Variants in MUC5B observed in about 807,000 individuals in gnomAD.
MUC5B encodes the protein mucin-5B.
A neutral mutation model predicts 376.9 loss-of-function variants in MUC5B; 116 were observed. That is an observed-to-expected ratio of 0.31 (90% confidence interval 0.26 to 0.36). The LOEUF (loss-of-function observed/expected upper bound fraction) is 0.36. Ranked by LOEUF, MUC5B falls within the 10% of genes least tolerant of loss-of-function variation. The probability of loss-of-function intolerance (pLI) is 1.00; values close to 1 mark genes in which losing one functional copy is unlikely to be tolerated. For missense variants in MUC5B, 7,165 were observed against 7,769.9 expected (o/e 0.92, Z 2.93); for synonymous variants, 3,517 against 3,390.9 (o/e 1.04, Z -1.29).
chr11:1,250,236 G>A lies in MUC5B; in HGVS notation c.13356G>A (p.Glu4452=). ...CAGGGACCACCTGGATCCTCACAGA[G>A]CCGAGCACTACAGCCACCGTGACGG... ...STPGTTWILT[E]PSTTATVTVP... is the part of the protein sequence containing the mutation. Residue 4452 remains glutamate, a synonymous_variant, in exon 31 of 49, where the codon GAG becomes GAA. Coordinates refer to ENST00000529681, the MANE Select transcript of MUC5B (RefSeq NM_002458.3). 1 of 1,609,082 alleles carries A rather than the reference G, an allele frequency of 6.2e-7. No homozygotes were observed. Among genetic ancestry groups the A allele is most frequent in the Non-Finnish European group, 8.5e-7 (1 of 1,176,784 alleles).
chr11:1,253,773 C>T lies in MUC5B; in HGVS notation c.15218-319C>T, dbSNP rs1009336448. Among the ~76,000 whole-genome samples the T allele has an allele frequency of 4.6e-5, 7 of 152,172 alleles. No individual in the cohort carries two copies. Among genetic ancestry groups the T allele is most frequent in the Non-Finnish European group, 8.8e-5 (6 of 68,030 alleles). ...CTGTGTCTGTGTCTCTTCTGTCTCC[C>T]GTAAGGACACTGGTCATTGGATTGA... On this transcript the variant is annotated intron_variant, in intron 33 of 48. Coordinates refer to ENST00000529681, the MANE Select transcript of MUC5B (RefSeq NM_002458.3). This position sits in a 1 kb window ranked among gnomAD's most constrained non-coding sequence, Gnocchi z 4.3.
intron 25 of MUC5B, 54 bp from the exon 26 acceptor site, chr11:1,238,817 C>G (rs1209581829): frequency 3.9e-6 from 6 of 1,528,874 alleles, no homozygotes; most frequent in South Asian, 2.4e-5. Context: ...CCAGCCACCC[C>G]CTGGCCGGGG....
intron 31 of MUC5B, 142 bp from the exon 32 acceptor site, chr11:1,252,201 C>T (rs1202409371): frequency 1.3e-6 from 1 of 788,232 alleles, no homozygotes; most frequent in Non-Finnish European, 2.0e-6. Flanking sequence ...TCCCCACTGG[C>T]CACACTCAGC....
At position 1,251,637 on chromosome 11, in the gene MUC5B, C is replaced by T. The variant is rs1018306750; in HGVS notation, c.14757C>T (p.Ser4919=). 11 of 1,613,130 alleles carry T rather than the reference C, an allele frequency of 6.8e-6. No homozygotes were observed. Among genetic ancestry groups the T allele is most frequent in the Non-Finnish European group, 8.5e-6 (10 of 1,179,812 alleles). ...GCAGCCTGCCAACCTTCAGCGTGTC[C>T]ACTGTGTCCTCCTCAGTCCTCACCA... The part of the protein sequence containing the change: ...LPSSLPTFSV[S]TVSSSVLTTL... Residue 4919 remains serine, a synonymous_variant, in exon 31 of 49, where the codon TCC becomes TCT. Coordinates refer to ENST00000529681, the MANE Select transcript of MUC5B (RefSeq NM_002458.3).
Position 1,261,402 on chromosome 11 carries a change from G to T in MUC5B, c.17083G>T (p.Ala5695Ser). The T allele has an allele frequency of 6.5e-7, 1 of 1,549,060 alleles. No individual in the cohort carries two copies. The highest frequency in any genetic ancestry group is 1.2e-5 in the South Asian group (1 of 84,154). ...CTGCGTCCACAGGTACTCAGCAGAG[G>T]CCCAGGCCATGCAGCACCAGTGCAC... ...CPGASKYSAE[A>S]QAMQHQCTCC... The change falls in exon 49 of 49, where the codon GCC becomes TCC. Residue 5695 changes from alanine (A) to serine (S), a missense_variant. Transcript: ENST00000529681.
At position 1,260,765 on chromosome 11, in the gene MUC5B, C is replaced by T. The variant is rs370380579; in HGVS notation, c.17069+37C>T. The T allele has an allele frequency of 1.5e-4, 223 of 1,498,350 alleles. 1 individual carries two copies. Among genetic ancestry groups the T allele is most frequent in the Non-Finnish European group, 1.6e-4 (172 of 1,088,494 alleles). The allele number at this position is 1,498,350 out of a possible 1,614,324, so 92.8% of individuals were successfully genotyped here. On this transcript the variant is annotated intron_variant, in intron 48 of 48. Transcript: ENST00000529681. ...CCTGGCCCTGTGCCAAGAGCACCTG[C>T]GTGTGGTGGGTCCGCCCTGGCCCGT...
In MUC5B at chr11:1,256,707, C is replaced by T. The variant is rs1341934193; in HGVS notation, c.16173C>T (p.Gly5391=). 1.9e-6 allele frequency: 3 copies of T among 1,568,174 alleles called. No individual in the cohort carries two copies. The highest frequency in any genetic ancestry group is 2.6e-6 in the Non-Finnish European group (3 of 1,158,508). The change falls in exon 39 of 49, where the codon GGC becomes GGT. Residue 5391 remains glycine, a synonymous_variant. Transcript: ENST00000529681. ...CACAGCTGGAGGGGATGGCGGAGGG[C>T]TGCTTCTGCCCTGAGGACCAGATCC... ...QSPQLEGMAE[G]CFCPEDQILF...
chr11:1,259,659 G>T (rs1347878969), intron 44 of MUC5B, 97 bp from the exon 45 acceptor site: 6 of 1,266,078 alleles, frequency 4.7e-6, no homozygotes, highest in Non-Finnish European at 6.8e-6. Context: ...AGGGCTAAGG[G>T]GTCCTGGACC....
rs1419522698 is a variant in MUC5B, at chr11:1,242,354, C to G, written c.5474C>G (p.Pro1825Arg). The G allele has an allele frequency of 3.1e-6, 5 of 1,613,852 alleles. No homozygotes were observed. Among genetic ancestry groups the G allele is most frequent in the Non-Finnish European group, 4.2e-6 (5 of 1,179,868 alleles). Residue 1825 changes from proline (P) to arginine (R), a missense_variant, in exon 31 of 49, where the codon CCA (proline) becomes CGA (arginine). Physicochemically the swap from Pro to Arg is moderately radical, Grantham distance 103. Around this residue, in one of 31 missense-constraint regions of MUC5B, gnomAD observed 897 missense variants for 779.6 expected, o/e 1.15. Coordinates refer to ENST00000529681, the MANE Select transcript of MUC5B (RefSeq NM_002458.3). Reference protein sequence around the residue: ...RAAGGKMCWAPKSIECRAENY... With the variant: ...RAAGGKMCWARKSIECRAENY... ...GCTGGGGGCAAGATGTGCTGGGCAC[C>G]AAAGAGCATAGAGTGCCGGGCGGAG...
intron 1 of MUC5B, among the ~76,000 whole-genome samples, chr11:1,224,469 G>C (rs1459210305): frequency 6.5e-4 from 97 of 150,024 alleles, no homozygotes; most frequent in Non-Finnish European, 1.1e-3. Flanking sequence ...GGGCTGCCTG[G>C]GGGGGAGGGG....
At position 1,261,915 on chromosome 11, in the gene MUC5B, T is replaced by G; in HGVS notation, c.*307T>G. 1.6e-6 allele frequency: 1 copy of G among 613,468 alleles called. No homozygotes were observed. The highest frequency in any genetic ancestry group is 1.5e-5 in the South Asian group (1 of 65,930). 38.0% of individuals were successfully genotyped at this position (613,468 alleles called of 1,614,324 possible). A position where few individuals can be genotyped will look rare whatever the true frequency, so the allele number is the denominator to read the frequency against. On this transcript the variant is annotated 3_prime_UTR_variant, in exon 49 of 49. Transcript: ENST00000529681. Reference sequence around the variant, plus strand: ...CAAACTAAGCATGTGCGGGCCTATGTGTCCCTGCCACGGCCGGAGCGCCCG... The same window carrying G: ...CAAACTAAGCATGTGCGGGCCTATGGGTCCCTGCCACGGCCGGAGCGCCCG...
rs772742852 is a variant in MUC5B at position 1,259,776 on chromosome 11, G to A, written c.16734G>A (p.Val5578=). 2 of 1,612,454 alleles carry A rather than the reference G, an allele frequency of 1.2e-6. No individual in the cohort carries two copies. The highest frequency in any genetic ancestry group is 1.7e-6 in the Non-Finnish European group (2 of 1,179,674). Residue 5578 remains valine, a synonymous_variant, in exon 45 of 49, where the codon GTG becomes GTA. Transcript: ENST00000529681. ...TCPQGFEYKR[V]AGQCCGECVQ... The stretch of plus-strand genomic sequence containing the variant: ...CACAGGGCTTTGAGTACAAGAGAGT[G>A]GCCGGGCAGTGCTGTGGGGAGTGCG...
At chr11:1,252,557 G>T in intron 32 of MUC5B, 33 bp downstream of exon 32, 1 of 1,494,966 alleles carries the variant, frequency 6.7e-7, no homozygotes, top group African/African-American at 1.4e-5. Flanking sequence ...CTCCCGTGCT[G>T]CGTGCACACG....
rs200788664 is a variant in MUC5B, at chr11:1,230,599, C to T, written c.1469C>T (p.Thr490Met). 35 of 1,605,654 alleles carry T rather than the reference C, an allele frequency of 2.2e-5. No individual in the cohort carries two copies. The South Asian group carries it at 2.2e-4, about 10-fold the overall frequency. The change falls in exon 12 of 49, where the codon ACG becomes ATG. Residue 490 changes from threonine to methionine, a missense_variant and splice_region_variant. Around this residue, in one of 31 missense-constraint regions of MUC5B, gnomAD observed 640 missense variants for 733.0 expected, o/e 0.87. Coordinates refer to ENST00000529681, the MANE Select transcript of MUC5B (RefSeq NM_002458.3). ...AVTLSLDGGD[T>M]AIRVQADGGV... The stretch of plus-strand genomic sequence containing the variant: ...ACGCTCAGCCTGGACGGCGGGGACA[C>T]GGTGAGGACCTGGCTGGGGCCCTGG...
rs201730803 is a variant in MUC5B at position 1,251,432 on chromosome 11, C to T, written c.14552C>T (p.Pro4851Leu). The T allele has an allele frequency of 7.4e-5, 120 of 1,612,114 alleles. No individual in the cohort carries two copies. Among genetic ancestry groups the T allele is most frequent in the African/African-American group, 1.9e-4 (14 of 74,734 alleles). Residue 4851 changes from proline to leucine, a missense_variant, in exon 31 of 49, where the codon CCG becomes CTG. Coordinates refer to ENST00000529681, the MANE Select transcript of MUC5B (RefSeq NM_002458.3). ...TPGTTWILTEPSTIATVMVPT... is the reference protein window; with the variant it reads ...TPGTTWILTELSTIATVMVPT... ...GGGACCACCTGGATCCTCACAGAGC[C>T]GAGCACTATAGCCACCGTGATGGTG...
chr11:1,226,430 T>G, intron 3 of MUC5B, 154 bp downstream of exon 3: 1 of 1,272,698 alleles, frequency 7.9e-7, no homozygotes, highest in Non-Finnish European at 1.1e-6. Flanking sequence ...CTGGCCACCC[T>G]GGGGGATGGG....
Position 1,242,196 on chromosome 11 carries a change from G to A in MUC5B, c.5316G>A (p.Leu1772=), listed in dbSNP as rs772455927. The stretch of plus-strand genomic sequence containing the variant: ...GGACAGAGACGACAATGAGCCCCTT[G>A]ACTAACACCACCACCAGCCAGGGCA... The part of the protein sequence containing the change: ...TPRTETTMSP[L]TNTTTSQGTT... The change falls in exon 31 of 49, where the codon TTG becomes TTA. Residue 1772 remains leucine, a synonymous_variant. Coordinates refer to ENST00000529681, the MANE Select transcript of MUC5B (RefSeq NM_002458.3). The A allele has an allele frequency of 9.3e-6, 15 of 1,613,496 alleles. No individual in the cohort carries two copies. In the South Asian group the frequency reaches 1.6e-4, roughly 18 times the overall value.
At position 1,241,536 on chromosome 11, in the gene MUC5B, G is replaced by T. The variant is rs1862283753; in HGVS notation, c.4656G>T (p.Glu1552Asp). The T allele has an allele frequency of 6.2e-7, 1 of 1,612,940 alleles. No individual in the cohort carries two copies. Among genetic ancestry groups the T allele is most frequent in the African/African-American group, 1.3e-5 (1 of 75,014 alleles). The change falls in exon 31 of 49, where the codon GAG becomes GAT. Residue 1552 changes from glutamate (E) to aspartate (D), a missense_variant. Transcript: ENST00000529681. ...QQPKDIECQA[E>D]SFPNWTLAQV... The stretch of plus-strand genomic sequence containing the variant: ...CTAAGGACATAGAGTGCCAGGCCGA[G>T]AGCTTCCCCAACTGGACCCTGGCAC...
intron 9 of MUC5B, 21 bp downstream of exon 9, chr11:1,229,316 AC>A: frequency 6.5e-7 from 1 of 1,541,500 alleles, no homozygotes; most frequent in South Asian, 1.2e-5. Context: ...TGTGCCCTGA[AC>A]CCCTCAGGGG....
Sources: gnomAD v4.1 joint callset for allele counts (sites outside exome capture counted in the v4.1 genomes callset) on GRCh38, gnomAD v4.1.1 for gene constraint, gnomAD v4.1.1 regional missense constraint, Gnocchi (gnomAD v3.1) non-coding constraint, MANE v1.5 for transcripts, NCBI Gene and HGNC (gene_info 2026-07-23, HGNC 2026-07-21) for gene names.